The following IL1RAPL2 variants were observed in gnomAD, a reference collection of about 807,000 sequenced individuals.
IL1RAPL2 encodes X-linked interleukin-1 receptor accessory protein-like 2.
IL1RAPL2 carries 3 observed loss-of-function variants against 44.1 expected under a neutral mutation model. The ratio of observed to expected loss-of-function variants is 0.07; its 90% CI spans 0.03 to 0.18. The LOEUF is 0.18. Among genes scored for constraint, IL1RAPL2 ranks in the 10% least tolerant of loss-of-function variants. The pLI, the probability that IL1RAPL2 is intolerant of heterozygous loss-of-function variation, is 1.00. For missense variants in IL1RAPL2, 391 were observed against 496.4 expected (o/e 0.79, Z 2.02); for synonymous variants, 181 against 178.8 (o/e 1.01, Z -0.10).
At chrX:105,044,916 CT>C (rs965841888) in intron 2 of IL1RAPL2, among the ~76,000 whole-genome samples, 5 of 111,177 alleles carry the variant, frequency 4.5e-5, no homozygotes, top group African/African-American at 1.6e-4. Context: ...TCCCAATGCC[CT>C]TTTTCCATAC....
At chrX:104,843,136 G>T (rs1921955184) in intron 2 of IL1RAPL2, among the ~76,000 whole-genome samples, 1 of 111,877 alleles carries the variant, frequency 8.9e-6, no homozygotes, top group African/African-American at 3.3e-5. Context: ...AAGCAGTCTG[G>T]CCACAGCTGC....
At chrX:105,033,622 T>G (rs1274944624) in intron 2 of IL1RAPL2, among the ~76,000 whole-genome samples, 14 of 111,783 alleles carry the variant, frequency 1.3e-4, no homozygotes, top group Non-Finnish European at 2.6e-4. Flanking sequence ...TCCCTTTGTG[T>G]GTAACCCAAT....
chrX:105,004,778 A>G (rs759077803), intron 2 of IL1RAPL2, among the ~76,000 whole-genome samples: 50 of 111,037 alleles, frequency 4.5e-4, no homozygotes, highest in Middle Eastern at 9.3e-3. Flanking sequence ...ATACTGATGT[A>G]TTACTACAAT....
intron 2 of IL1RAPL2, among the ~76,000 whole-genome samples, chrX:104,939,450 C>T (rs1482036171): frequency 9.0e-6 from 1 of 111,369 alleles, no homozygotes; most frequent in Non-Finnish European, 1.9e-5. Context: ...TTTTAAGCAG[C>T]CTTTTTTTTG....
intron 2 of IL1RAPL2, among the ~76,000 whole-genome samples, chrX:104,811,621 G>A (rs1432185370): frequency 9.0e-6 from 1 of 110,824 alleles, no homozygotes; most frequent in East Asian, 2.8e-4. Context: ...GGGAGGTGTG[G>A]ATGGAGAACA....
At chrX:105,429,339 A>G (rs1424628578) in intron 5 of IL1RAPL2, among the ~76,000 whole-genome samples, 2 of 112,040 alleles carry the variant, frequency 1.8e-5, no homozygotes, top group Non-Finnish European at 3.8e-5. Context: ...TATTCAATCA[A>G]TCTGGCAGAT....
chrX:105,329,450 T>G (rs2034968760), intron 5 of IL1RAPL2, among the ~76,000 whole-genome samples: 1 of 111,996 alleles, frequency 8.9e-6, no homozygotes, highest in African/African-American at 3.2e-5. Context: ...CCTGTTCTGT[T>G]TCTTAAGTGT....
chrX:105,049,658 A>G (rs1395847697), intron 2 of IL1RAPL2, among the ~76,000 whole-genome samples: 4 of 111,918 alleles, frequency 3.6e-5, no homozygotes, highest in African/African-American at 6.5e-5. Flanking sequence ...ACATAACCCA[A>G]TTAGGTTGGT....
intron 3 of IL1RAPL2, chrX:105,218,846 C>T: frequency 4.7e-6 from 3 of 642,187 alleles, no homozygotes; most frequent in Non-Finnish European, 7.4e-6. Context: ...CCTCCTTCCC[C>T]CACTCTTCCC....
intron 5 of IL1RAPL2, among the ~76,000 whole-genome samples, chrX:105,364,432 G>A (rs2035277841): frequency 9.1e-6 from 1 of 110,190 alleles, no homozygotes; most frequent in Non-Finnish European, 1.9e-5. Flanking sequence ...ATGAATTTTA[G>A]GATTGTTTTT....
chrX:104,788,493 TAATC>T (rs1382443598), intron 2 of IL1RAPL2, among the ~76,000 whole-genome samples: 1 of 112,273 alleles, frequency 8.9e-6, no homozygotes, highest in Admixed American at 9.5e-5. Flanking sequence ...TGCAAAGTAT[TAATC>T]AACTATATGC....
chrX:104,864,803 A>G (rs1209758841), intron 2 of IL1RAPL2, among the ~76,000 whole-genome samples: 11 of 111,582 alleles, frequency 9.9e-5, no homozygotes, highest in Admixed American at 2.9e-4. Flanking sequence ...ACCAGGATAG[A>G]TGTGCAGTGG....
intron 1 of IL1RAPL2, among the ~76,000 whole-genome samples, chrX:104,655,152 G>A (rs761972364): frequency 8.1e-5 from 9 of 111,336 alleles, no homozygotes; most frequent in Non-Finnish European, 1.5e-4. Context: ...TTTCCTAATT[G>A]AATACCCTTT....
chrX:105,219,697 C>G (rs1477713898), intron 3 of IL1RAPL2: 1 of 1,207,654 alleles, frequency 8.3e-7, no homozygotes, highest in African/African-American at 1.8e-5. Flanking sequence ...GCAAACCCCT[C>G]CGGCAGTGGC....
intron 4 of IL1RAPL2, among the ~76,000 whole-genome samples, chrX:105,247,263 A>G (rs764132733): frequency 3.6e-5 from 4 of 110,858 alleles, no homozygotes; most frequent in Non-Finnish European, 7.6e-5. Flanking sequence ...CATGTGGCCA[A>G]TTAGATTCAA....
chrX:105,610,663 G>A (rs1467403862), intron 6 of IL1RAPL2, among the ~76,000 whole-genome samples: 3 of 111,541 alleles, frequency 2.7e-5, no homozygotes, highest in South Asian at 3.8e-4. Flanking sequence ...CACAGCCATC[G>A]TAAAATCATA....
At chrX:105,208,139 G>A (rs1360073625) in intron 3 of IL1RAPL2, among the ~76,000 whole-genome samples, 2 of 111,067 alleles carry the variant, frequency 1.8e-5, no homozygotes, top group South Asian at 3.8e-4. Flanking sequence ...TGGATTTATC[G>A]AGGCGTTTTT....
At chrX:105,711,915 T>A (rs143645245) in intron 6 of IL1RAPL2, among the ~76,000 whole-genome samples, 1,880 of 112,417 alleles carry the variant, frequency 0.017, 17 homozygotes, top group Non-Finnish European at 0.026. Context: ...CTGTCCCATA[T>A]CCTGGGTACA....
chrX:104,974,910 C>G (rs1327563040), intron 2 of IL1RAPL2, among the ~76,000 whole-genome samples: 1 of 112,243 alleles, frequency 8.9e-6, no homozygotes, highest in African/African-American at 3.2e-5. Context: ...AGTAGACACA[C>G]TGATTCTGGC....
Sources: allele counts gnomAD v4.1 joint callset (sites outside exome capture counted in the v4.1 genomes callset), GRCh38; gene constraint gnomAD v4.1.1; transcripts MANE v1.5; gene names NCBI Gene and HGNC (gene_info 2026-07-23, HGNC 2026-07-21).